Variants in ERC2 observed in about 807,000 individuals in gnomAD.
ERC2 encodes the protein ERC protein 2.
Under a neutral mutation model 114.8 loss-of-function variants are expected in ERC2, and 42 were observed. That is an observed-to-expected ratio of 0.37 (90% CI 0.29 to 0.47). The LOEUF is 0.47. Ranked by LOEUF, ERC2 falls within the 20% of genes least tolerant of loss-of-function variation. The pLI is 0.99. For missense variants in ERC2, 939 were observed against 1,150.7 expected (o/e 0.82, Z 2.66); for synonymous variants, 454 against 425.5 (o/e 1.07, Z -0.82).
intron 17 of ERC2, among the ~76,000 whole-genome samples, chr3:55,569,024 A>G (rs140013367): frequency 4.6e-5 from 7 of 152,242 alleles, no homozygotes; most frequent in African/African-American, 1.7e-4. Flanking sequence ...CACCTTCTTC[A>G]GGCCTTCACT....
chr3:56,012,870 A>T, intron 8 of ERC2, among the ~76,000 whole-genome samples: 1 of 152,326 alleles, frequency 6.6e-6, no homozygotes, highest in African/African-American at 2.4e-5. Flanking sequence ...AGAAATTCCA[A>T]CAATGTGTTC....
rs545833490 is a variant in ERC2, at chr3:55,627,335, G to T, written c.*39+56459C>A. On this transcript the variant is annotated intron_variant, in intron 17 of 17. Transcript: ENST00000288221. ...TACAAAATTAGTCAGGCATGATGGT[G>T]GGTGACTGTAATCCCAGCTACTCGG... is the stretch of plus-strand genomic sequence containing the variant. Among the ~76,000 whole-genome samples, 6 of 152,192 alleles carry T rather than the reference G, an allele frequency of 3.9e-5. No individual in the cohort carries two copies. The East Asian group carries it at 1.2e-3, about 29-fold the overall frequency.
At chr3:56,079,842 G>C (rs1208766724) in intron 7 of ERC2, among the ~76,000 whole-genome samples, 2 of 152,074 alleles carry the variant, frequency 1.3e-5, no homozygotes, top group Admixed American at 1.3e-4. Context: ...TAGGCTGTAG[G>C]AAACATGACA....
intron 10 of ERC2, among the ~76,000 whole-genome samples, chr3:56,001,027 T>TA (rs5849122): frequency 1.3e-5 from 2 of 150,216 alleles, no homozygotes; most frequent in Middle Eastern, 3.4e-3. Flanking sequence ...TCTAATAATG[T>TA]AAAAAAAAAT....
chr3:56,266,030 A>AAAAATAAAATAAAATAAAATAAAAT (rs200509039), intron 3 of ERC2, among the ~76,000 whole-genome samples: 24 of 122,802 alleles, frequency 2.0e-4, no homozygotes, highest in African/African-American at 6.8e-4. Flanking sequence ...ATCCGACCAA[A>AAAAATAAAATAAAATAAAATAAAAT]AAAATAAAAT....
At chr3:55,707,300 G>A (rs549324540) in intron 15 of ERC2, among the ~76,000 whole-genome samples, 14 of 152,264 alleles carry the variant, frequency 9.2e-5, no homozygotes, top group East Asian at 3.9e-4. Flanking sequence ...TAAGCTAAGT[G>A]TGGTGGTGCA....
chr3:56,078,012 C>T (rs552835277), intron 7 of ERC2, among the ~76,000 whole-genome samples: 158 of 152,166 alleles, frequency 1.0e-3, no homozygotes, highest in African/African-American at 3.4e-3. Context: ...TATTTGCAGC[C>T]GGAGATTTTA....
chr3:55,877,837 C>T (rs1314619394), intron 14 of ERC2, among the ~76,000 whole-genome samples: 3 of 152,082 alleles, frequency 2.0e-5, no homozygotes, highest in South Asian at 2.1e-4. Context: ...TCTGTACTCT[C>T]GGCTCCTTAG....
chr3:56,466,218 T>C (rs1208056292), intron 1 of ERC2, among the ~76,000 whole-genome samples: 1 of 152,264 alleles, frequency 6.6e-6, no homozygotes, highest in East Asian at 1.9e-4. Flanking sequence ...GGCTTCTACA[T>C]GAAAACCATT....
At position 56,296,079 on chromosome 3, in the gene ERC2, C is replaced by G; in HGVS notation, c.1014G>C (p.Gln338His). ...CTAAAATCACTTCCAAGTGGCTGACCTGAGACTCAGCCTCTGCCATCCGCC... is the reference window on the plus strand; with the variant it reads ...CTAAAATCACTTCCAAGTGGCTGACGTGAGACTCAGCCTCTGCCATCCGCC... ...RTRRMAEAES[Q>H]VSHLEVILDQ... The change falls in exon 3 of 18, where the codon CAG (glutamine) becomes CAC (histidine). Residue 338 changes from glutamine (Q) to histidine (H), a missense_variant. Gln to His is a conservative substitution (Grantham distance 24). Around this residue, in one of 5 missense-constraint regions of ERC2, gnomAD observed 148 missense variants for 159.1 expected, o/e 0.93. Transcript: ENST00000288221. 1 of 1,612,410 alleles carries G rather than the reference C, an allele frequency of 6.2e-7. No homozygotes were observed. The highest frequency in any genetic ancestry group is 1.3e-5 in the African/African-American group (1 of 74,968).
At chr3:56,236,801 A>G (rs1246934279) in intron 3 of ERC2, among the ~76,000 whole-genome samples, 1 of 152,204 alleles carries the variant, frequency 6.6e-6, no homozygotes, top group Non-Finnish European at 1.5e-5. Context: ...ATAGAGAGAA[A>G]ACAGATACCT....
chr3:56,417,308 C>G (rs140692664), intron 2 of ERC2, among the ~76,000 whole-genome samples: 249 of 152,280 alleles, frequency 1.6e-3, no homozygotes, highest in African/African-American at 5.6e-3. Context: ...GTGAATTTAT[C>G]GTTTCCATCT....
intron 17 of ERC2, among the ~76,000 whole-genome samples, chr3:55,646,173 A>T (rs1394889377): frequency 6.6e-6 from 1 of 152,204 alleles, no homozygotes; most frequent in Non-Finnish European, 1.5e-5. Flanking sequence ...CTGGATAACA[A>T]GGTGTGCCTG....
intron 1 of ERC2, among the ~76,000 whole-genome samples, chr3:56,440,430 C>A (rs556622704): frequency 2.3e-4 from 35 of 152,126 alleles, no homozygotes; most frequent in African/African-American, 8.4e-4. Context: ...CGCATGTAGT[C>A]CCAGCTACTC....
chr3:55,833,322 T>A (rs2060706373), intron 14 of ERC2, among the ~76,000 whole-genome samples: 1 of 149,742 alleles, frequency 6.7e-6, no homozygotes, highest in Admixed American at 6.6e-5. Flanking sequence ...TTCAACAAAG[T>A]GGAAATGAAG....
intron 3 of ERC2, among the ~76,000 whole-genome samples, chr3:56,231,896 C>T (rs895166944): frequency 6.6e-6 from 1 of 151,944 alleles, no homozygotes; most frequent in African/African-American, 2.4e-5. Flanking sequence ...TCTTCAGTTG[C>T]CTCCACACAA....
intron 13 of ERC2, among the ~76,000 whole-genome samples, chr3:55,930,802 T>C (rs1230789522): frequency 6.6e-6 from 1 of 151,988 alleles, no homozygotes. Context: ...GAAACTACCA[T>C]CACAGTGAAC....
intron 14 of ERC2, among the ~76,000 whole-genome samples, chr3:55,755,064 G>A (rs1427790481): frequency 6.6e-6 from 1 of 151,088 alleles, no homozygotes; most frequent in African/African-American, 2.4e-5. Flanking sequence ...CACAGTCCTA[G>A]TGATTGGCTA....
intron 11 of ERC2, among the ~76,000 whole-genome samples, chr3:55,991,150 T>C (rs142932244): frequency 1.6e-3 from 246 of 152,296 alleles, no homozygotes; most frequent in African/African-American, 5.2e-3. Context: ...CACAAGATGA[T>C]AGAGAGCTAC....
Sources: allele counts gnomAD v4.1 joint callset (sites outside exome capture counted in the v4.1 genomes callset), GRCh38; gene constraint gnomAD v4.1.1; regional missense constraint gnomAD v4.1.1; transcripts MANE v1.5; gene names NCBI Gene and HGNC (gene_info 2026-07-23, HGNC 2026-07-21).